The following BRAP variants were observed in gnomAD, a reference collection of about 807,000 sequenced individuals.
BRAP encodes the protein BRCA1-associated protein.
BRAP carries 42 observed loss-of-function variants against 73.4 expected under a neutral mutation model. The ratio of observed to expected loss-of-function variants is 0.57; its 90% CI spans 0.45 to 0.74. The LOEUF is 0.74. Ranked by LOEUF, BRAP falls within the 30% of genes least tolerant of loss-of-function variation. The probability of loss-of-function intolerance (pLI) is 0.00; values close to 1 mark genes in which losing one functional copy is unlikely to be tolerated. For missense variants in BRAP, 593 were observed against 751.4 expected (o/e 0.79, Z 2.46); for synonymous variants, 255 against 267.4 (o/e 0.95, Z 0.45).
At chr12:111,666,671 T>C (rs1283632817) in intron 5 of BRAP, among the ~76,000 whole-genome samples, 1 of 152,204 alleles carries the variant, frequency 6.6e-6, no homozygotes, top group Non-Finnish European at 1.5e-5. Context: ...ACAGTCTAGA[T>C]GGTCAGGAAA....
intron 11 of BRAP, 49 bp downstream of exon 11, chr12:111,649,890 C>G (rs1448486360): frequency 2.3e-6 from 3 of 1,306,410 alleles, no homozygotes; most frequent in Admixed American, 4.1e-5. Flanking sequence ...ATGAAAGAAA[C>G]TGTCTGTTTA....
At chr12:111,684,418 AG>A (rs1566133691) in intron 1 of BRAP, among the ~76,000 whole-genome samples, 1 of 152,226 alleles carries the variant, frequency 6.6e-6, no homozygotes, top group African/African-American at 2.4e-5. Flanking sequence ...TCACGTCCTC[AG>A]GAAGTTCCCA....
At chr12:111,644,647 C>T (rs1418400648) in intron 11 of BRAP, 85 bp from the exon 12 acceptor site, 2 of 1,538,524 alleles carry the variant, frequency 1.3e-6, no homozygotes, top group East Asian at 4.5e-5. Context: ...ACAGAGAAAC[C>T]ATGACCTCAG....
chr12:111,672,330 CT>C (rs953919417), intron 5 of BRAP, among the ~76,000 whole-genome samples: 8 of 151,278 alleles, frequency 5.3e-5, no homozygotes, highest in Non-Finnish European at 1.0e-4. Context: ...TATCTTTTTT[CT>C]TTTTTTTTAC....
At chr12:111,657,289 C>T (rs1437114888) in intron 9 of BRAP, among the ~76,000 whole-genome samples, 1 of 152,084 alleles carries the variant, frequency 6.6e-6, no homozygotes, top group Admixed American at 6.6e-5. Flanking sequence ...GGTGATCCAC[C>T]CACCTCAGCC....
chr12:111,663,404 G>A lies in BRAP; in HGVS notation c.896+2235C>T, dbSNP rs1886825091. 3.9e-5 allele frequency among the ~76,000 whole-genome samples: 6 copies of A among 152,308 alleles called. No homozygotes were observed. In the South Asian group the frequency reaches 1.2e-3, roughly 32 times the overall value. On this transcript the variant is annotated intron_variant, in intron 6 of 11. Transcript: ENST00000419234. ...GGAGGTGGAAGTTGCAGTGAGCCGAGATCACGCTACTGCACTCCAGCCTGG... is the reference window on the plus strand; with the variant it reads ...GGAGGTGGAAGTTGCAGTGAGCCGAAATCACGCTACTGCACTCCAGCCTGG...
At chr12:111,680,027 G>A (rs1043506465) in intron 3 of BRAP, among the ~76,000 whole-genome samples, 2 of 150,336 alleles carry the variant, frequency 1.3e-5, no homozygotes, top group Admixed American at 1.3e-4. Flanking sequence ...GCATGGTCTC[G>A]GCTCACTGCA....
intron 4 of BRAP, among the ~76,000 whole-genome samples, chr12:111,673,580 G>A (rs1249859772): frequency 1.3e-5 from 2 of 150,718 alleles, no homozygotes; most frequent in Non-Finnish European, 2.9e-5. Flanking sequence ...CAGGGGAACT[G>A]GTATGAGATG....
chr12:111,654,667 C>T (rs1000183865), intron 10 of BRAP, among the ~76,000 whole-genome samples: 7 of 152,170 alleles, frequency 4.6e-5, no homozygotes, highest in Admixed American at 2.0e-4. Context: ...TGCCCACTTA[C>T]GGCATATCCA....
At chr12:111,676,901 A>T (rs758318593) in intron 4 of BRAP, among the ~76,000 whole-genome samples, 1 of 152,080 alleles carries the variant, frequency 6.6e-6, no homozygotes, top group Non-Finnish European at 1.5e-5. Context: ...AATCCCTGTT[A>T]GGATGATAGG....
chr12:111,670,024 G>A, intron 5 of BRAP: 1 of 638,156 alleles, frequency 1.6e-6, no homozygotes, highest in East Asian at 3.4e-5. Flanking sequence ...ATTTCCTCTG[G>A]TTCACTATCT....
intron 10 of BRAP, among the ~76,000 whole-genome samples, chr12:111,653,067 C>T (rs1222566269): frequency 6.6e-6 from 1 of 152,120 alleles, no homozygotes; most frequent in East Asian, 1.9e-4. Context: ...GTGGCACCCT[C>T]CTGTGGTCCC....
intron 3 of BRAP, among the ~76,000 whole-genome samples, chr12:111,680,346 C>T (rs993684898): frequency 7.2e-5 from 11 of 152,034 alleles, no homozygotes; most frequent in African/African-American, 2.7e-4. Context: ...GAAAATCCTC[C>T]CACAATGCAA....
chr12:111,661,182 G>A (rs776880770), intron 6 of BRAP, among the ~76,000 whole-genome samples: 2 of 150,334 alleles, frequency 1.3e-5, no homozygotes, highest in African/African-American at 2.5e-5. Context: ...GCTTCACCAT[G>A]TTGGCCAGGA....
chr12:111,644,881 C>T (rs1230135593), intron 11 of BRAP, among the ~76,000 whole-genome samples: 10 of 147,652 alleles, frequency 6.8e-5, no homozygotes, highest in East Asian at 4.1e-4. Context: ...CTCAGCCTCC[C>T]AAGTAGCTGG....
At chr12:111,663,316 G>T (rs1188836351) in intron 6 of BRAP, among the ~76,000 whole-genome samples, 1 of 151,990 alleles carries the variant, frequency 6.6e-6, no homozygotes, top group Non-Finnish European at 1.5e-5. Context: ...AGCCAGGTGT[G>T]GTGGTACATG....
Position 111,679,993 on chromosome 12 carries a change from C to CT in BRAP, c.444-654dup, listed in dbSNP as rs112811180. ...CTCTAAATATACGAGAGAATTCTGT[C>CT]TTTTTTTTTTTCAGAGTCTTGCTGC... On this transcript the variant is annotated intron_variant, in intron 3 of 11. Coordinates refer to ENST00000419234, the MANE Select transcript of BRAP (RefSeq NM_006768.5). 7.1e-3 allele frequency among the ~76,000 whole-genome samples: 1,023 copies of CT among 144,500 alleles called. 4 individuals carry two copies. The highest frequency in any genetic ancestry group is 9.2e-3 in the Non-Finnish European group (605 of 65,750). 94.8% of individuals were successfully genotyped at this position (144,500 alleles called of 152,430 possible).
intron 10 of BRAP, among the ~76,000 whole-genome samples, 176 bp downstream of exon 10, chr12:111,655,390 G>C (rs1253787787): frequency 1.3e-5 from 2 of 149,534 alleles, no homozygotes; most frequent in East Asian, 2.0e-4. Flanking sequence ...TATCAAAACA[G>C]TCAAGCCTTT....
chr12:111,649,360 C>T (rs1204338002), intron 11 of BRAP, among the ~76,000 whole-genome samples: 1 of 152,106 alleles, frequency 6.6e-6, no homozygotes, highest in African/African-American at 2.4e-5. Context: ...ACCATGTTGT[C>T]CAGGCTGGTC....
Sources: gnomAD v4.1 joint callset for allele counts (sites outside exome capture counted in the v4.1 genomes callset) on GRCh38, gnomAD v4.1.1 for gene constraint, MANE v1.5 for transcripts, NCBI Gene and HGNC (gene_info 2026-07-23, HGNC 2026-07-21) for gene names.